SLC25A28: variants seen among roughly 807,000 people sequenced by gnomAD.
The protein encoded by SLC25A28 is mitoferrin-2.
In SLC25A28, 10 loss-of-function variants were observed where a neutral mutation model predicts 31.9. That is an observed-to-expected ratio of 0.31 (90% CI 0.19 to 0.53). The LOEUF (loss-of-function observed/expected upper bound fraction) is 0.53. Among genes scored for constraint, SLC25A28 ranks in the 20% least tolerant of loss-of-function variants. The pLI is 0.95. For missense variants in SLC25A28, 256 were observed against 490.3 expected (o/e 0.52, Z 4.51); for synonymous variants, 208 against 203.6 (o/e 1.02, Z -0.19).
rs545068385 is a variant in SLC25A28, at chr10:99,612,044, T to C, written c.577+499A>G. On this transcript the variant is annotated intron_variant, in intron 3 of 3. Coordinates refer to ENST00000370495, the MANE Select transcript of SLC25A28 (RefSeq NM_031212.4). ...GCTCATCCTCACATGGAGAATGTTTTTGGAGAATTTTCCTCCGACTGAAAA... is the reference window on the plus strand; with the variant it reads ...GCTCATCCTCACATGGAGAATGTTTCTGGAGAATTTTCCTCCGACTGAAAA... 3.3e-5 allele frequency among the ~76,000 whole-genome samples: 5 copies of C among 152,340 alleles called. No individual in the cohort carries two copies. In the East Asian group the frequency reaches 9.6e-4, roughly 29 times the overall value.
the SLC25A28 span, among the ~76,000 whole-genome samples, chr10:99,645,383 G>A: frequency 4.6e-5 from 7 of 152,244 alleles, no homozygotes; most frequent in African/African-American, 1.7e-4. Context: ...CAGTTTTCAT[G>A]CCGTGGTTTT....
chr10:99,640,137 A>G, the SLC25A28 span, among the ~76,000 whole-genome samples: 1,598 of 152,288 alleles, frequency 0.01, 29 homozygotes, highest in African/African-American at 0.037. Flanking sequence ...TTCTAATCCT[A>G]TATTGTTTTA....
chr10:99,655,544 C>T, the SLC25A28 span, among the ~76,000 whole-genome samples: 7 of 152,146 alleles, frequency 4.6e-5, no homozygotes, highest in Non-Finnish European at 8.8e-5. Flanking sequence ...ATTACAGCTG[C>T]ATGCCACCAC....
rs369033014 is a variant in SLC25A28, at chr10:99,613,667, G to C, written c.520+29C>G. The C allele has an allele frequency of 6.2e-7, 1 of 1,614,062 alleles. No individual in the cohort carries two copies. Among genetic ancestry groups the C allele is most frequent in the Non-Finnish European group, 8.5e-7 (1 of 1,179,994 alleles). On this transcript the variant is annotated intron_variant, in intron 2 of 3. Coordinates refer to ENST00000370495, the MANE Select transcript of SLC25A28 (RefSeq NM_031212.4). This position sits in a 1 kb window ranked among gnomAD's most constrained non-coding sequence, Gnocchi z 4.9. ...GCAAAGCCCAAAGAGTTGGGAAAGT[G>C]GGGGAACCAGCACAGGAAGGCTCAA...
upstream of SLC25A28, among the ~76,000 whole-genome samples, chr10:99,624,222 T>A (rs1449969407): frequency 6.8e-6 from 1 of 146,768 alleles, no homozygotes; most frequent in African/African-American, 2.5e-5. Flanking sequence ...TTTCTTTTTC[T>A]TTCTTCTTTC....
At chr10:99,620,610 C>A, upstream of SLC25A28, 1 of 1,002,076 alleles carries the variant, frequency 1.0e-6, no homozygotes, top group Non-Finnish European at 1.2e-6. Flanking sequence ...TACATCCCAC[C>A]TTTTCCCCTT....
intron 1 of SLC25A28, chr10:99,615,560 G>A (rs1481670832): frequency 2.0e-6 from 2 of 985,250 alleles, no homozygotes; most frequent in African/African-American, 1.7e-5. Flanking sequence ...GTTACTGGAT[G>A]TTCAATCAGA....
chr10:99,629,992 A>C, the SLC25A28 span, among the ~76,000 whole-genome samples: 1 of 152,184 alleles, frequency 6.6e-6, no homozygotes, highest in African/African-American at 2.4e-5. Flanking sequence ...TGGGCACCAT[A>C]GGGAAACCCC....
At chr10:99,612,063 C>A (rs2034536061) in intron 3 of SLC25A28, among the ~76,000 whole-genome samples, 2 of 152,194 alleles carry the variant, frequency 1.3e-5, no homozygotes, top group Admixed American at 1.3e-4. Context: ...TTTCCTCCGA[C>A]TGAAAAGCCA....
Position 99,617,495 on chromosome 10 carries a change from C to T in SLC25A28, c.291+2550G>A, listed in dbSNP as rs1331200038. On this transcript the variant is annotated intron_variant, in intron 1 of 3. Transcript: ENST00000370495. ...TCTGCCTCCAGTCTTAAAGACTGGG[C>T]TGCTTTTCCTCCCCACTCATCCACT... The T allele has an allele frequency of 4.5e-6, 4 of 896,176 alleles. No individual in the cohort carries two copies. The East Asian group carries it at 6.4e-4, about 143-fold the overall frequency. 55.5% of individuals were successfully genotyped at this position (896,176 alleles called of 1,614,324 possible).
At chr10:99,647,404 G>C in the SLC25A28 span, among the ~76,000 whole-genome samples, 86 of 152,296 alleles carry the variant, frequency 5.6e-4, 1 homozygote, top group African/African-American at 2.0e-3. Flanking sequence ...GCATTTCTCT[G>C]ATGATTAGTG....
chr10:99,632,845 G>A, the SLC25A28 span, among the ~76,000 whole-genome samples: 1 of 152,184 alleles, frequency 6.6e-6, no homozygotes, highest in African/African-American at 2.4e-5. Context: ...TAGGTCATAT[G>A]TGACCTTAGT....
chr10:99,615,493 C>G, intron 1 of SLC25A28: 1 of 985,366 alleles, frequency 1.0e-6, no homozygotes, highest in Non-Finnish European at 1.2e-6. Context: ...AATCCACATT[C>G]CTCTGGTTAT....
At chr10:99,646,142 T>C in the SLC25A28 span, among the ~76,000 whole-genome samples, 1 of 152,240 alleles carries the variant, frequency 6.6e-6, no homozygotes, top group Non-Finnish European at 1.5e-5. Flanking sequence ...TGTTCAGCTA[T>C]GGCCTGCCCC....
In SLC25A28 at chr10:99,610,550, C is replaced by A. The variant is rs2034497427; in HGVS notation, c.*299G>T. 3.0e-6 allele frequency: 1 copy of A among 335,472 alleles called. No individual in the cohort carries two copies. The highest frequency in any genetic ancestry group is 6.8e-5 in the South Asian group (1 of 14,650). The allele number at this position is 335,472 out of a possible 1,614,324, so 20.8% of individuals were successfully genotyped here. ...AATTTAAAGGCTTTTTATTAGGAAC[C>A]AGGGGAATGAGCTGCTTATCCCTCT... is the stretch of plus-strand genomic sequence containing the variant. On this transcript the variant is annotated 3_prime_UTR_variant, in exon 4 of 4. Coordinates refer to ENST00000370495, the MANE Select transcript of SLC25A28 (RefSeq NM_031212.4).
At chr10:99,615,461 C>T in intron 1 of SLC25A28, 1 of 984,766 alleles carries the variant, frequency 1.0e-6, no homozygotes, top group Non-Finnish European at 1.2e-6. Flanking sequence ...ACCAGATGAA[C>T]AGGTCCCGGT....
chr10:99,620,894 C>T, upstream of SLC25A28: 8 of 985,442 alleles, frequency 8.1e-6, no homozygotes, highest in Non-Finnish European at 9.6e-6. Flanking sequence ...GCGTCGGGGG[C>T]GGGGCGGCGA....
At chr10:99,627,145 G>T in the SLC25A28 span, among the ~76,000 whole-genome samples, 1 of 152,074 alleles carries the variant, frequency 6.6e-6, no homozygotes, top group East Asian at 1.9e-4. Flanking sequence ...GGAGGCTGAG[G>T]CATGAGAATG....
chr10:99,644,606 G>T, the SLC25A28 span, among the ~76,000 whole-genome samples: 3 of 152,142 alleles, frequency 2.0e-5, no homozygotes, highest in African/African-American at 7.2e-5. Context: ...TATGATGTTA[G>T]CTGGTTATTT....
Sources: gnomAD v4.1 joint callset for allele counts (sites outside exome capture counted in the v4.1 genomes callset) on GRCh38, gnomAD v4.1.1 for gene constraint, Gnocchi (gnomAD v3.1) non-coding constraint, MANE v1.5 for transcripts, NCBI Gene and HGNC (gene_info 2026-07-23, HGNC 2026-07-21) for gene names.